OPCML: variants seen among roughly 807,000 people sequenced by gnomAD.
The protein encoded by OPCML is opioid-binding protein/cell adhesion molecule.
In OPCML, 13 loss-of-function variants were observed where a neutral mutation model predicts 37.8. That is an observed-to-expected ratio of 0.34 (90% CI 0.22 to 0.55). The LOEUF is 0.55. Ranked by LOEUF, OPCML falls within the 20% of genes least tolerant of loss-of-function variation. The probability of loss-of-function intolerance (pLI) is 0.91; values close to 1 mark genes in which losing one functional copy is unlikely to be tolerated. For missense variants in OPCML, 341 were observed against 435.6 expected (o/e 0.78, Z 1.93); for synonymous variants, 176 against 168.8 (o/e 1.04, Z -0.33).
chr11:133,349,738 A>T (rs1204774554), intron 1 of OPCML, among the ~76,000 whole-genome samples: 1 of 152,220 alleles, frequency 6.6e-6, no homozygotes, highest in Non-Finnish European at 1.5e-5. Context: ...GTGAGACAGG[A>T]AGAACACAGC....
chr11:132,714,054 A>G (rs1944374855), intron 2 of OPCML, among the ~76,000 whole-genome samples: 1 of 152,238 alleles, frequency 6.6e-6, no homozygotes, highest in Non-Finnish European at 1.5e-5. Flanking sequence ...TTGTTTATGA[A>G]AATTTTAAAT....
chr11:132,572,758 G>C (rs1297369491), intron 3 of OPCML, among the ~76,000 whole-genome samples: 1 of 151,986 alleles, frequency 6.6e-6, no homozygotes, highest in Non-Finnish European at 1.5e-5. Context: ...ATGAATTGTA[G>C]AATTGTTTTC....
chr11:132,653,440 T>C (rs1941538362), intron 3 of OPCML, among the ~76,000 whole-genome samples: 1 of 152,108 alleles, frequency 6.6e-6, no homozygotes, highest in Non-Finnish European at 1.5e-5. Context: ...CAGGCTGATT[T>C]TCCCCCCAAC....
intron 1 of OPCML, among the ~76,000 whole-genome samples, chr11:133,359,531 G>A (rs144964080): frequency 2.0e-5 from 3 of 151,254 alleles, no homozygotes; most frequent in East Asian, 3.9e-4. Flanking sequence ...AAAGTTCTTC[G>A]AGGCAGAGTC....
At chr11:132,635,546 AAGCC>A (rs1333739877) in intron 3 of OPCML, among the ~76,000 whole-genome samples, 1 of 151,284 alleles carries the variant, frequency 6.6e-6, no homozygotes, top group Non-Finnish European at 1.5e-5. Context: ...AAAAAAAAAA[AAGCC>A]AGACTTCATG....
chr11:133,494,760 T>C (rs952990420), intron 1 of OPCML, among the ~76,000 whole-genome samples: 1 of 138,784 alleles, frequency 7.2e-6, no homozygotes, highest in Non-Finnish European at 1.5e-5. Context: ...TTGGGAGATA[T>C]ACCTAATGCT....
At chr11:132,837,417 A>G (rs1269744120) in intron 2 of OPCML, among the ~76,000 whole-genome samples, 14 of 152,166 alleles carry the variant, frequency 9.2e-5, no homozygotes, top group Admixed American at 9.2e-4. Flanking sequence ...TCACTTATCC[A>G]TGGACCCATT....
chr11:132,816,668 G>A (rs774333827), intron 2 of OPCML, among the ~76,000 whole-genome samples: 3 of 152,138 alleles, frequency 2.0e-5, no homozygotes, highest in Non-Finnish European at 4.4e-5. Context: ...GAATCACAGC[G>A]TTCGAGAGTT....
At chr11:133,444,188 G>T (rs1484400407) in intron 1 of OPCML, among the ~76,000 whole-genome samples, 2 of 152,102 alleles carry the variant, frequency 1.3e-5, no homozygotes, top group Non-Finnish European at 2.9e-5. Flanking sequence ...CTTCCTGCTA[G>T]CTCTAAACAT....
At chr11:133,187,255 C>G (rs1224708260) in intron 1 of OPCML, among the ~76,000 whole-genome samples, 1 of 152,106 alleles carries the variant, frequency 6.6e-6, no homozygotes. Context: ...TTACCACAGG[C>G]TTCCACATTC....
intron 2 of OPCML, among the ~76,000 whole-genome samples, chr11:132,748,778 G>A (rs550542816): frequency 2.0e-5 from 3 of 152,282 alleles, no homozygotes; most frequent in South Asian, 2.1e-4. Context: ...TCTGCGGAGA[G>A]GATCTGTGCT....
chr11:133,112,472 G>A, intron 1 of OPCML, among the ~76,000 whole-genome samples: 1 of 152,076 alleles, frequency 6.6e-6, no homozygotes, highest in East Asian at 1.9e-4. Flanking sequence ...TAAATAAAAA[G>A]TACAATTAGT....
chr11:132,437,664 A>G (rs1255976399), intron 4 of OPCML, among the ~76,000 whole-genome samples: 1 of 152,242 alleles, frequency 6.6e-6, no homozygotes, highest in African/African-American at 2.4e-5. Flanking sequence ...CAGAGATGAC[A>G]TGATAAATAC....
intron 3 of OPCML, among the ~76,000 whole-genome samples, chr11:132,553,471 T>G (rs537682958): frequency 6.6e-6 from 1 of 152,150 alleles, no homozygotes; most frequent in East Asian, 1.9e-4. Context: ...AGGAAGAGTG[T>G]GCATGCACAC....
intron 1 of OPCML, among the ~76,000 whole-genome samples, chr11:133,128,901 A>C (rs988264675): frequency 3.9e-5 from 6 of 152,166 alleles, no homozygotes; most frequent in Admixed American, 3.9e-4. Context: ...GCCAAAGTGC[A>C]GTAACAGGGA....
intron 1 of OPCML, among the ~76,000 whole-genome samples, chr11:132,981,098 C>T (rs903436115): frequency 4.6e-5 from 7 of 152,146 alleles, no homozygotes; most frequent in Non-Finnish European, 1.0e-4. Context: ...CTTGTGGGAC[C>T]CACATCACAT....
intron 2 of OPCML, among the ~76,000 whole-genome samples, chr11:132,932,850 G>A (rs931325760): frequency 1.6e-4 from 24 of 151,876 alleles, no homozygotes; most frequent in African/African-American, 5.8e-4. Context: ...CCAGTGAAGT[G>A]GATATCTATT....
chr11:132,456,272 A>G (rs1457030163), intron 4 of OPCML, among the ~76,000 whole-genome samples: 1 of 152,242 alleles, frequency 6.6e-6, no homozygotes, highest in Admixed American at 6.5e-5. Flanking sequence ...ACTTTACATA[A>G]CAATGAAAAA....
rs1487282941 is a variant in OPCML at position 132,452,524 on chromosome 11, TCTTTCAGCCTGCCTG to T, written c.506-15180_506-15166del. On this transcript the variant is annotated intron_variant, in intron 4 of 7. Transcript: ENST00000524381. The stretch of plus-strand genomic sequence containing the variant: ...TTCCTTCCTTCCTTCCTTCCTTCCT[TCTTTCAGCCTGCCTG>T]CCTGCCTGCCTTCCTTTTTTCCTTC... Among the ~76,000 whole-genome samples the T allele has an allele frequency of 2.2e-4, 32 of 144,296 alleles. No homozygotes were observed. The South Asian group carries it at 7.3e-3, about 33-fold the overall frequency. The allele number at this position is 144,296 out of a possible 152,430, so 94.7% of individuals were successfully genotyped here. A position where few individuals can be genotyped will look rare whatever the true frequency, so the allele number is the denominator to read the frequency against.
Sources: gnomAD v4.1 joint callset for allele counts (sites outside exome capture counted in the v4.1 genomes callset) on GRCh38, gnomAD v4.1.1 for gene constraint, MANE v1.5 for transcripts, NCBI Gene and HGNC (gene_info 2026-07-23, HGNC 2026-07-21) for gene names.